EHD3: variants seen among roughly 807,000 people sequenced by gnomAD.
The protein encoded by EHD3 is EH domain containing 3.
In EHD3, 17 loss-of-function variants were observed where a neutral mutation model predicts 43.0. That is an observed-to-expected ratio of 0.40 (90% CI 0.27 to 0.59). The LOEUF is 0.59. EHD3 is among the 20% of genes least tolerant of loss of function. The pLI, the probability that EHD3 is intolerant of heterozygous loss-of-function variation, is 0.49. For synonymous variants in EHD3, 313 were observed against 289.5 expected (o/e 1.08, Z -0.82); for missense variants, 594 against 705.6 (o/e 0.84, Z 1.79).
intron 3 of EHD3, among the ~76,000 whole-genome samples, chr2:31,251,506 G>T (rs1683635704): frequency 6.6e-6 from 1 of 152,198 alleles, no homozygotes; most frequent in African/African-American, 2.4e-5. Context: ...TTGCTTAGGA[G>T]GTGAGACCTG....
chr2:31,240,672 C>A (rs1277694613), intron 1 of EHD3, among the ~76,000 whole-genome samples: 1 of 152,238 alleles, frequency 6.6e-6, no homozygotes, highest in Non-Finnish European at 1.5e-5. Context: ...GGGAAGCCTT[C>A]ACTCATCTGC....
chr2:31,259,118 C>A (rs1182850830), intron 3 of EHD3, among the ~76,000 whole-genome samples: 2 of 152,110 alleles, frequency 1.3e-5, no homozygotes, highest in Non-Finnish European at 2.9e-5. Context: ...ACCTTGGAAC[C>A]CTTGTGCTAT....
chr2:31,244,681 A>T (rs1434137039), intron 2 of EHD3, among the ~76,000 whole-genome samples: 1 of 152,182 alleles, frequency 6.6e-6, no homozygotes, highest in Non-Finnish European at 1.5e-5. Flanking sequence ...AGGGAAGGAT[A>T]CAACAATGAC....
chr2:31,259,263 C>T (rs1319303339), intron 3 of EHD3, among the ~76,000 whole-genome samples: 1 of 152,194 alleles, frequency 6.6e-6, no homozygotes, highest in Non-Finnish European at 1.5e-5. Flanking sequence ...AGCCTAACAC[C>T]TCCATCTTCA....
chr2:31,259,883 A>G (rs1320877024), intron 3 of EHD3, among the ~76,000 whole-genome samples: 1 of 152,178 alleles, frequency 6.6e-6, no homozygotes, highest in African/African-American at 2.4e-5. Flanking sequence ...GGAAATAATG[A>G]CGTTAATAAG....
At chr2:31,243,442 T>C (rs1683457990) in intron 1 of EHD3, among the ~76,000 whole-genome samples, 1 of 95,218 alleles carries the variant, frequency 1.1e-5, no homozygotes, top group Admixed American at 1.3e-4. Context: ...CTTTCTTTCT[T>C]TCTTTCTTTC....
chr2:31,243,016 C>A (rs1440473606), intron 1 of EHD3, among the ~76,000 whole-genome samples: 2 of 152,158 alleles, frequency 1.3e-5, no homozygotes, highest in East Asian at 3.9e-4. Flanking sequence ...ATGCCTCACA[C>A]CTGTAATCCC....
At chr2:31,252,980 T>C (rs1032113852) in intron 3 of EHD3, among the ~76,000 whole-genome samples, 1 of 152,100 alleles carries the variant, frequency 6.6e-6, no homozygotes, top group Non-Finnish European at 1.5e-5. Flanking sequence ...ACCAGGACAG[T>C]TGGGGGAAGG....
chr2:31,265,325 ATACCACTG>A (rs1245211921), intron 5 of EHD3, among the ~76,000 whole-genome samples: 1 of 152,226 alleles, frequency 6.6e-6, no homozygotes, highest in Non-Finnish European at 1.5e-5. Context: ...CTAGATTTTT[ATACCACTG>A]GCAGCACAGT....
intron 5 of EHD3, among the ~76,000 whole-genome samples, chr2:31,262,773 G>T (rs1427622413): frequency 6.6e-6 from 1 of 152,168 alleles, no homozygotes; most frequent in Non-Finnish European, 1.5e-5. Context: ...AAATTAACTG[G>T]GCATGGTGGC....
At chr2:31,240,099 G>A (rs1056525724) in intron 1 of EHD3, among the ~76,000 whole-genome samples, 43 of 152,158 alleles carry the variant, frequency 2.8e-4, no homozygotes, top group African/African-American at 8.4e-4. Context: ...CAGGGAACAC[G>A]GAGCTGACTC....
chr2:31,243,309 T>C (rs981095753), intron 1 of EHD3, among the ~76,000 whole-genome samples: 2 of 152,024 alleles, frequency 1.3e-5, no homozygotes, highest in Non-Finnish European at 1.5e-5. Context: ...CATAAATGTG[T>C]AGATCTGCAT....
chr2:31,266,576 G>A lies in EHD3; in HGVS notation c.1480G>A (p.Gly494Ser). 6.2e-7 allele frequency: 1 copy of A among 1,614,158 alleles called. No homozygotes were observed. The change falls in exon 6 of 6, where the codon GGC (glycine) becomes AGC (serine). Residue 494 changes from glycine (G) to serine (S), a missense_variant. Coordinates refer to ENST00000322054, the MANE Select transcript of EHD3 (RefSeq NM_014600.3). The surrounding 1 kb of genome is among the most constrained non-coding windows in gnomAD (Gnocchi z 5.1). The stretch of plus-strand genomic sequence containing the variant: ...GAAGCTGGCCGACATTGACAAGGAT[G>A]GCATGCTGGACGACGACGAGTTTGC... ...IWKLADIDKD[G>S]MLDDDEFALA...
intron 5 of EHD3, among the ~76,000 whole-genome samples, chr2:31,265,503 G>C (rs1435894275): frequency 6.6e-6 from 1 of 152,168 alleles, no homozygotes; most frequent in Non-Finnish European, 1.5e-5. Flanking sequence ...TTGTAATGCA[G>C]CACATGACTG....
At chr2:31,243,329 A>G (rs114284943) in intron 1 of EHD3, among the ~76,000 whole-genome samples, 2,054 of 152,012 alleles carry the variant, frequency 0.014, 46 homozygotes, top group African/African-American at 0.047. Context: ...TGAACACTTA[A>G]TAACATAGTA....
Position 31,243,448 on chromosome 2 carries a change from C to CTTTTTTTTTTTTTTTTTTTTTTTTTTTTT in EHD3, c.228-823_228-822insTTTTTTTTTTTTTTTTTTTTTTTTTTTTT, listed in dbSNP as rs1310045883. 3.0e-5 allele frequency among the ~76,000 whole-genome samples: 2 copies of CTTTTTTTTTTTTTTTTTTTTTTTTTTTTT among 67,008 alleles called. 1 individual carries two copies. The highest frequency in any genetic ancestry group is 5.3e-5 in the Non-Finnish European group (2 of 37,422). The allele number at this position is 67,008 out of a possible 152,430, so 44.0% of individuals were successfully genotyped here. ...TCTTTCTTTCTTTCTTTCTTTCTTTCTTTCTTTCTTTCTTTTTTTTTTTTT... is the reference window on the plus strand; with the variant it reads ...TCTTTCTTTCTTTCTTTCTTTCTTTCTTTTTTTTTTTTTTTTTTTTTTTTTTTTTTTTCTTTCTTTCTTTTTTTTTTTTT... On this transcript the variant is annotated intron_variant, in intron 1 of 5. Transcript: ENST00000322054.
intron 3 of EHD3, among the ~76,000 whole-genome samples, chr2:31,251,587 T>G (rs1454052575): frequency 4.6e-5 from 7 of 152,132 alleles, no homozygotes; most frequent in Non-Finnish European, 8.8e-5. Flanking sequence ...TTCCTGTAAT[T>G]GGTGGCCTGT....
intron 3 of EHD3, among the ~76,000 whole-genome samples, chr2:31,255,957 T>C (rs1215111669): frequency 6.6e-6 from 1 of 152,166 alleles, no homozygotes; most frequent in African/African-American, 2.4e-5. Context: ...CCCTTGTAGC[T>C]AATCTCCATC....
In EHD3 at chr2:31,266,785, C is replaced by G; in HGVS notation, c.*81C>G. 4.3e-6 allele frequency: 6 copies of G among 1,380,376 alleles called. No individual in the cohort carries two copies. In the South Asian group the frequency reaches 8.1e-5, roughly 19 times the overall value. 85.5% of individuals were successfully genotyped at this position (1,380,376 alleles called of 1,614,324 possible). Reference sequence around the variant, plus strand: ...CTACACACACACACACACACACACACACACACACAAACATGCACACACACA... The same window carrying G: ...CTACACACACACACACACACACACAGACACACACAAACATGCACACACACA... On this transcript the variant is annotated 3_prime_UTR_variant, in exon 6 of 6. Coordinates refer to ENST00000322054, the MANE Select transcript of EHD3 (RefSeq NM_014600.3). This position sits in a 1 kb window ranked among gnomAD's most constrained non-coding sequence, Gnocchi z 5.1.
Sources: allele counts gnomAD v4.1 joint callset (sites outside exome capture counted in the v4.1 genomes callset), GRCh38; gene constraint gnomAD v4.1.1; non-coding constraint Gnocchi (gnomAD v3.1); transcripts MANE v1.5; gene names NCBI Gene and HGNC (gene_info 2026-07-23, HGNC 2026-07-21).